The following ACCSL variants were observed in gnomAD, a reference collection of about 807,000 sequenced individuals.
ACCSL encodes probable inactive 1-aminocyclopropane-1-carboxylate synthase-like protein 2.
Under a neutral mutation model 61.7 loss-of-function variants are expected in ACCSL, and 55 were observed. The ratio of observed to expected loss-of-function variants is 0.89; its 90% CI spans 0.72 to 1.12. ACCSL has a LOEUF of 1.12. Ranked by LOEUF, ACCSL falls within the 50% of genes most tolerant of loss-of-function variation. The pLI, the probability that ACCSL is intolerant of heterozygous loss-of-function variation, is 0.00. For missense variants in ACCSL, 632 were observed against 698.0 expected, an observed-to-expected ratio of 0.91 and a Z score of 1.07; for synonymous variants, 258 against 264.3, an observed-to-expected ratio of 0.98 and a Z score of 0.23.
the ACCSL span, among the ~76,000 whole-genome samples, chr11:43,937,356 C>CGTCA: frequency 6.6e-6 from 1 of 152,276 alleles, no homozygotes; most frequent in Admixed American, 6.5e-5. Context: ...GAGGGGCAGC[C>CGTCA]GTCAGTAGGG....
chr11:43,991,932 C>T, the ACCSL span, among the ~76,000 whole-genome samples: 1 of 152,152 alleles, frequency 6.6e-6, no homozygotes, highest in Admixed American at 6.5e-5. Flanking sequence ...CTTAACTTTG[C>T]ACACACAGTT....
the ACCSL span, among the ~76,000 whole-genome samples, chr11:43,993,389 C>A: frequency 1.3e-5 from 2 of 152,116 alleles, no homozygotes; most frequent in Non-Finnish European, 2.9e-5. Context: ...CAGACTCTGG[C>A]AGGCTGTGGC....
the ACCSL span, chr11:43,945,806 G>A: frequency 5.3e-5 from 8 of 152,148 alleles, no homozygotes; most frequent in Admixed American, 1.3e-4. Flanking sequence ...CAGTAATTGC[G>A]GCACTGCACT....
chr11:44,051,314 T>A (rs1952637144), intron 3 of ACCSL, 21 bp from the exon 4 acceptor site: 2 of 1,613,844 alleles, frequency 1.2e-6, no homozygotes, highest in Non-Finnish European at 1.7e-6. Flanking sequence ...AGCCACAAGG[T>A]CTCTCTGGGT....
At chr11:43,997,385 G>A in the ACCSL span, among the ~76,000 whole-genome samples, 42 of 152,082 alleles carry the variant, frequency 2.8e-4, no homozygotes, top group African/African-American at 9.7e-4. Context: ...ATCCTCTGGG[G>A]CTTCTGCACG....
At chr11:44,058,750 A>T (rs1191274514) in intron 13 of ACCSL, 51 bp downstream of exon 13, 1 of 1,563,882 alleles carries the variant, frequency 6.4e-7, no homozygotes. Context: ...TCAATTTAAT[A>T]TGTCAATCTT....
rs144741995 is a variant in ACCSL at position 44,051,422 on chromosome 11, C to G, written c.705+18C>G. On this transcript the variant is annotated intron_variant, in intron 4 of 13. Transcript: ENST00000378832. ...CAGAAAATGTGAGTCAGTTTCCCAG[C>G]CTTGCTGCCACCCTGGTGGAGGGCT... is the stretch of plus-strand genomic sequence containing the variant. The G allele has an allele frequency of 7.4e-4, 1,193 of 1,613,924 alleles. 5 individuals are homozygous for G. In the African/African-American group the frequency reaches 0.014, roughly 19 times the overall value.
the ACCSL span, among the ~76,000 whole-genome samples, chr11:43,977,927 CT>C: frequency 6.6e-6 from 1 of 151,590 alleles, no homozygotes. Flanking sequence ...ATGCTTCCTA[CT>C]TAATGGACAA....
At chr11:43,958,275 C>A in the ACCSL span, among the ~76,000 whole-genome samples, 1 of 152,280 alleles carries the variant, frequency 6.6e-6, no homozygotes, top group Admixed American at 6.5e-5. Context: ...TTTGGGATGT[C>A]TTTTCAGGTT....
At chr11:44,018,602 GT>G in the ACCSL span, among the ~76,000 whole-genome samples, 73 of 152,320 alleles carry the variant, frequency 4.8e-4, 1 homozygote, top group Middle Eastern at 0.024. Context: ...TTCTAGATGG[GT>G]TTCTAGACTT....
the ACCSL span, among the ~76,000 whole-genome samples, chr11:44,024,860 G>A: frequency 1.3e-5 from 2 of 151,818 alleles, no homozygotes; most frequent in Non-Finnish European, 2.9e-5. Flanking sequence ...GTATTTTGGG[G>A]CTGTTTGTTG....
the ACCSL span, among the ~76,000 whole-genome samples, chr11:44,027,203 G>C: frequency 6.6e-6 from 1 of 152,150 alleles, no homozygotes; most frequent in Non-Finnish European, 1.5e-5. Flanking sequence ...TTAATGCTCT[G>C]GCAGACAGTC....
the ACCSL span, among the ~76,000 whole-genome samples, chr11:43,930,400 C>T: frequency 2.6e-5 from 4 of 152,168 alleles, no homozygotes; most frequent in South Asian, 2.1e-4. Flanking sequence ...AGTGTTGGAC[C>T]GGGCCTGGTG....
chr11:44,013,417 T>G, the ACCSL span, among the ~76,000 whole-genome samples: 1 of 152,090 alleles, frequency 6.6e-6, no homozygotes, highest in Non-Finnish European at 1.5e-5. Context: ...GTAGCCTGGA[T>G]TACAGGTGCC....
the ACCSL span, among the ~76,000 whole-genome samples, chr11:44,001,778 T>C: frequency 2.4e-4 from 2 of 8,168 alleles, no homozygotes; most frequent in Non-Finnish European, 8.3e-4. Flanking sequence ...AAAGGGGCTG[T>C]GTGTGTGTGT....
chr11:44,004,883 C>G, the ACCSL span, among the ~76,000 whole-genome samples: 7 of 152,190 alleles, frequency 4.6e-5, no homozygotes, highest in Non-Finnish European at 7.3e-5. Flanking sequence ...AGAAGCACTG[C>G]TCTAGGAGTT....
the ACCSL span, among the ~76,000 whole-genome samples, chr11:43,983,396 T>C: frequency 7.2e-5 from 11 of 152,340 alleles, no homozygotes; most frequent in African/African-American, 2.6e-4. Flanking sequence ...ACCTACTATG[T>C]GCCTGGTGCA....
chr11:43,983,156 C>T, the ACCSL span, among the ~76,000 whole-genome samples: 6 of 152,120 alleles, frequency 3.9e-5, no homozygotes, highest in African/African-American at 1.4e-4. Flanking sequence ...TGGCCCATCC[C>T]CCATTGGAGG....
chr11:43,967,167 C>CTTTTTTTTTTTTTTTTTT, the ACCSL span, among the ~76,000 whole-genome samples: 26 of 62,704 alleles, frequency 4.1e-4, 4 homozygotes, highest in Non-Finnish European at 5.2e-4. Context: ...TCTTCTTCTT[C>CTTTTTTTTTTTTTTTTTT]TTTTTTTTTT....
Sources: gnomAD v4.1 joint callset for allele counts (sites outside exome capture counted in the v4.1 genomes callset) on GRCh38, gnomAD v4.1.1 for gene constraint, MANE v1.5 for transcripts, NCBI Gene and HGNC (gene_info 2026-07-23, HGNC 2026-07-21) for gene names.